ENAM: variants seen among roughly 807,000 people sequenced by gnomAD.
The protein encoded by ENAM is amelogenesis imperfecta 2, hypocalcification (autosomal dominant).
Under a neutral mutation model 33.6 loss-of-function variants are expected in ENAM, and 21 were observed. The ratio of observed to expected loss-of-function variants is 0.63; its 90% CI spans 0.44 to 0.90. The LOEUF (loss-of-function observed/expected upper bound fraction) is 0.90. Among genes scored for constraint, ENAM ranks in the 40% least tolerant of loss-of-function variants. The pLI, the probability that ENAM is intolerant of heterozygous loss-of-function variation, is 0.00. For synonymous variants in ENAM, 473 were observed against 468.4 expected (o/e 1.01, Z -0.13); for missense variants, 1,388 against 1,366.9 (o/e 1.02, Z -0.24).
At chr4:70,630,221 C>T (rs1738275472) in intron 2 of ENAM, among the ~76,000 whole-genome samples, 1 of 152,038 alleles carries the variant, frequency 6.6e-6, no homozygotes, top group Admixed American at 6.6e-5. Context: ...CTGATTACAC[C>T]CACAATTTAG....
chr4:70,639,730 A>G (rs1219792852), intron 8 of ENAM, among the ~76,000 whole-genome samples: 1 of 152,176 alleles, frequency 6.6e-6, no homozygotes, highest in East Asian at 1.9e-4. Flanking sequence ...TAGGGAGAAT[A>G]AAATAAATGT....
At chr4:70,630,327 G>A (rs535965431) in intron 2 of ENAM, among the ~76,000 whole-genome samples, 18 of 152,286 alleles carry the variant, frequency 1.2e-4, no homozygotes, top group African/African-American at 3.8e-4. Flanking sequence ...ATGCTAGATA[G>A]ATTTTATGTC....
chr4:70,633,940 C>A (rs1560400705), intron 5 of ENAM, among the ~76,000 whole-genome samples: 1 of 151,952 alleles, frequency 6.6e-6, no homozygotes, highest in Non-Finnish European at 1.5e-5. Context: ...CTTCTTCATC[C>A]AGCCTTATAA....
chr4:70,634,709 A>G (rs1738408476), intron 6 of ENAM, 141 bp downstream of exon 6: 1 of 844,586 alleles, frequency 1.2e-6, no homozygotes, highest in East Asian at 2.5e-5. Context: ...CCAAAACTGC[A>G]TGGCAAGTCG....
At chr4:70,632,610 G>C in intron 4 of ENAM, 41 bp from the exon 5 acceptor site, 1 of 1,431,046 alleles carries the variant, frequency 7.0e-7, no homozygotes, top group Non-Finnish European at 9.9e-7. Flanking sequence ...TTTAATAAAA[G>C]TTTCACTTTG....
intron 8 of ENAM, 144 bp from the exon 9 acceptor site, chr4:70,641,871 T>C: frequency 2.7e-6 from 2 of 730,482 alleles, no homozygotes; most frequent in Non-Finnish European, 4.8e-6. Context: ...CAAGGAAGAA[T>C]CAAATTTCAA....
intron 4 of ENAM, among the ~76,000 whole-genome samples, chr4:70,632,196 T>C (rs919879989): frequency 1.3e-5 from 2 of 152,100 alleles, no homozygotes; most frequent in African/African-American, 2.4e-5. Context: ...GTACCAAGGG[T>C]TATTAGAAGG....
In ENAM at chr4:70,643,051, C is replaced by A; in HGVS notation, c.1625C>A (p.Ser542Ter). Residue 542 changes from serine (S) to a stop codon, truncating the protein, a stop_gained, in exon 9 of 9, where the codon TCA becomes TAA. Coordinates refer to ENST00000396073, the MANE Select transcript of ENAM (RefSeq NM_031889.3). LOFTEE classifies it low-confidence loss of function (END_TRUNC). The part of the protein sequence containing the change: ...ETNQSELKHS[S>*]YQPAVYPEEI... ...AATCAGTCAGAATTAAAGCACAGCT[C>A]ATATCAGCCTGCTGTATACCCTGAG... The A allele has an allele frequency of 6.2e-7, 1 of 1,613,988 alleles. No homozygotes were observed. Among genetic ancestry groups the A allele is most frequent in the Non-Finnish European group, 8.5e-7 (1 of 1,179,940 alleles).
intron 6 of ENAM, 97 bp from the exon 7 acceptor site, chr4:70,635,735 T>C (rs1738435019): frequency 5.1e-6 from 4 of 792,026 alleles, no homozygotes; most frequent in Admixed American, 1.9e-5. Flanking sequence ...AAGGGAGATG[T>C]AGACTCCCAA....
rs1560403873 is a variant in ENAM, at chr4:70,642,250, C to G, written c.824C>G (p.Pro275Arg). Reference protein sequence around the residue: ...NDTSPTGNSTPGLNTGNNPPA... With the variant: ...NDTSPTGNSTRGLNTGNNPPA... ...ACCAGCCCCACAGGAAACAGTACCC[C>G]AGGACTAAACACTGGGAACAACCCT... The change falls in exon 9 of 9, where the codon CCA becomes CGA. Residue 275 changes from proline (P) to arginine (R), a missense_variant. By Grantham distance (103) the Pro-to-Arg change is moderately radical. Transcript: ENST00000396073. 1.9e-6 allele frequency: 3 copies of G among 1,613,994 alleles called. No individual in the cohort carries two copies. Among genetic ancestry groups the G allele is most frequent in the Admixed American group, 1.7e-5 (1 of 60,004 alleles).
rs2148524800 is a variant in ENAM, at chr4:70,646,669, A to G, written c.*1814A>G. On this transcript the variant is annotated 3_prime_UTR_variant, in exon 9 of 9. Transcript: ENST00000396073. Reference sequence around the variant, plus strand: ...ATTTCAGCGTTAGAAGGGATCTTAGAGGTAGATTATCCAGGCCATCCCCTA... The same window carrying G: ...ATTTCAGCGTTAGAAGGGATCTTAGGGGTAGATTATCCAGGCCATCCCCTA... 1 of 152,244 alleles carries G rather than the reference A, an allele frequency of 6.6e-6. No individual in the cohort carries two copies. The highest frequency in any genetic ancestry group is 3.4e-3 in the Middle Eastern group (1 of 294). 9.4% of individuals were successfully genotyped at this position (152,244 alleles called of 1,614,324 possible).
intron 8 of ENAM, among the ~76,000 whole-genome samples, chr4:70,638,191 G>C (rs1303737808): frequency 6.6e-6 from 1 of 152,078 alleles, no homozygotes; most frequent in Non-Finnish European, 1.5e-5. Context: ...TGGATAAACT[G>C]AACCCAGAAC....
rs1738645443 is a variant in ENAM, at chr4:70,643,091, T to G, written c.1665T>G (p.Pro555=). Residue 555 remains proline (P), a synonymous_variant, in exon 9 of 9, where the codon CCT becomes CCG. Coordinates refer to ENST00000396073, the MANE Select transcript of ENAM (RefSeq NM_031889.3). ...PAVYPEEIPS[P]AKEHFPAGRN... ...TATACCCTGAGGAAATCCCTTCTCC[T>G]GCAAAAGAACATTTTCCTGCTGGAA... 8.1e-6 allele frequency: 13 copies of G among 1,613,990 alleles called. No homozygotes were observed. The East Asian group carries it at 2.9e-4, about 36-fold the overall frequency.
rs146469450 is a variant in ENAM, at chr4:70,643,748, G to A, written c.2322G>A (p.Gly774=). 5.6e-6 allele frequency: 9 copies of A among 1,614,142 alleles called. No homozygotes were observed. In the African/African-American group the frequency reaches 1.2e-4, roughly 22 times the overall value. The part of the protein sequence containing the change: ...NSWDHRIQAQ[G]QRERRPYFNR... ...GGGACCACAGGATACAAGCCCAAGG[G>A]CAGAGAGAAAGAAGGCCGTATTTTA... The change falls in exon 9 of 9, where the codon GGG becomes GGA. Residue 774 remains glycine (G), a synonymous_variant. Coordinates refer to ENST00000396073, the MANE Select transcript of ENAM (RefSeq NM_031889.3).
intron 7 of ENAM, 23 bp downstream of exon 7, chr4:70,635,917 C>A (rs758503140): frequency 8.2e-5 from 111 of 1,352,200 alleles, no homozygotes; most frequent in Non-Finnish European, 1.1e-4. Context: ...TTTTTCTTTA[C>A]ACTGTAAGTG....
Position 70,642,459 on chromosome 4 carries a change from C to A in ENAM, c.1033C>A (p.Gln345Lys). Residue 345 changes from glutamine to lysine, a missense_variant, in exon 9 of 9, where the codon CAG becomes AAG. Gln to Lys is a moderately conservative substitution (Grantham distance 53). Coordinates refer to ENST00000396073, the MANE Select transcript of ENAM (RefSeq NM_031889.3). ...CACTGGTACTGTCATGGGGCACAGACAGAATAGGCCTTTTTACAGAAATCA... is the reference window on the plus strand; with the variant it reads ...CACTGGTACTGTCATGGGGCACAGAAAGAATAGGCCTTTTTACAGAAATCA... ...YFTGTVMGHR[Q>K]NRPFYRNQQV... 6.2e-7 allele frequency: 1 copy of A among 1,614,098 alleles called. No individual in the cohort carries two copies. Among genetic ancestry groups the A allele is most frequent in the Middle Eastern group, 1.6e-4 (1 of 6,062 alleles).
rs762598338 is a variant in ENAM at position 70,644,524 on chromosome 4, T to C, written c.3098T>C (p.Ile1033Thr). The C allele has an allele frequency of 4.3e-6, 7 of 1,614,042 alleles. No individual in the cohort carries two copies. The highest frequency in any genetic ancestry group is 5.1e-6 in the Non-Finnish European group (6 of 1,179,956). Residue 1033 changes from isoleucine (I) to threonine (T), a missense_variant, in exon 9 of 9, where the codon ATC (isoleucine) becomes ACC (threonine). By Grantham distance (89) the Ile-to-Thr change is moderately conservative (BLOSUM62 -1). Coordinates refer to ENST00000396073, the MANE Select transcript of ENAM (RefSeq NM_031889.3). ...GATGAAGGCTCCAATCCAGAAGGCA[T>C]CCAAAGTCAAGTCCAAGAAAATGAG... Reference protein sequence around the residue: ...TPDEGSNPEGIQSQVQENESE... With the variant: ...TPDEGSNPEGTQSQVQENESE...
In ENAM at chr4:70,643,259, C is replaced by G. The variant is rs766709421; in HGVS notation, c.1833C>G (p.Asn611Lys). The G allele has an allele frequency of 1.9e-6, 3 of 1,614,004 alleles. No homozygotes were observed. The highest frequency in any genetic ancestry group is 1.7e-4 in the Middle Eastern group (1 of 6,060). ...PEYNPYDPRENSPYLRGNTWD... is the reference protein window; with the variant it reads ...PEYNPYDPREKSPYLRGNTWD... ...ATAACCCATATGATCCCAGGGAAAACTCACCATACCTTAGAGGCAATACAT... is the reference window on the plus strand; with the variant it reads ...ATAACCCATATGATCCCAGGGAAAAGTCACCATACCTTAGAGGCAATACAT... Residue 611 changes from asparagine to lysine, a missense_variant, in exon 9 of 9, where the codon AAC (asparagine) becomes AAG (lysine). By Grantham distance (94) the Asn-to-Lys change is moderately conservative. Transcript: ENST00000396073.
chr4:70,645,236 T>C lies in ENAM; in HGVS notation c.*381T>C. 4 of 213,790 alleles carry C rather than the reference T, an allele frequency of 1.9e-5. No individual in the cohort carries two copies. Among genetic ancestry groups the C allele is most frequent in the South Asian group, 1.6e-4 (1 of 6,430 alleles). 13.2% of individuals were successfully genotyped at this position (213,790 alleles called of 1,614,324 possible). On this transcript the variant is annotated 3_prime_UTR_variant, in exon 9 of 9. Transcript: ENST00000396073. ...AGGCAGATTAACTTTCCATTCTACT[T>C]ATGGAGATCCACACATCAGTATAGT... is the stretch of plus-strand genomic sequence containing the variant.
Sources: gnomAD v4.1 joint callset for allele counts (sites outside exome capture counted in the v4.1 genomes callset) on GRCh38, gnomAD v4.1.1 for gene constraint, MANE v1.5 for transcripts, NCBI Gene and HGNC (gene_info 2026-07-23, HGNC 2026-07-21) for gene names.